The following CNTN5 variants were observed in gnomAD, a reference collection of about 807,000 sequenced individuals.
The protein encoded by CNTN5 is contactin-5.
A neutral mutation model predicts 129.1 loss-of-function variants in CNTN5; 77 were observed. That is an observed-to-expected ratio of 0.60 (90% CI 0.50 to 0.72). CNTN5 has a LOEUF of 0.72. CNTN5 is among the 30% of genes least tolerant of loss of function. The pLI, the probability that CNTN5 is intolerant of heterozygous loss-of-function variation, is 0.00. For synonymous variants in CNTN5, 509 were observed against 465.6 expected, an observed-to-expected ratio of 1.09 and a Z score of -1.20; for missense variants, 1,478 against 1,328.8, an observed-to-expected ratio of 1.11 and a Z score of -1.75.
intron 1 of CNTN5, among the ~76,000 whole-genome samples, chr11:99,069,896 C>A (rs530935952): frequency 6.6e-6 from 1 of 152,268 alleles, no homozygotes; most frequent in East Asian, 1.9e-4. Context: ...TAAAGCCCAG[C>A]CCTCAGGCTT....
chr11:99,059,640 C>T (rs993273749), intron 1 of CNTN5, among the ~76,000 whole-genome samples: 1 of 151,982 alleles, frequency 6.6e-6, no homozygotes, highest in Non-Finnish European at 1.5e-5. Context: ...ATTAACATTC[C>T]TGTAATATCC....
intron 3 of CNTN5, among the ~76,000 whole-genome samples, chr11:99,810,566 A>G (rs1448635780): frequency 1.3e-5 from 2 of 152,144 alleles, no homozygotes; most frequent in Admixed American, 6.6e-5. Flanking sequence ...CATAGAGTAC[A>G]TCTGATTTGG....
intron 6 of CNTN5, among the ~76,000 whole-genome samples, chr11:99,866,268 C>T (rs2135790319): frequency 6.6e-6 from 1 of 152,304 alleles, no homozygotes. Flanking sequence ...AATGACACAA[C>T]TCAGTAGTTA....
chr11:99,082,287 G>T (rs1185530809), intron 1 of CNTN5, among the ~76,000 whole-genome samples: 1 of 151,140 alleles, frequency 6.6e-6, no homozygotes, highest in African/African-American at 2.4e-5. Flanking sequence ...CTGGGTTCAA[G>T]CTATTCTCCT....
chr11:99,976,413 A>G (rs540026327), intron 8 of CNTN5, among the ~76,000 whole-genome samples: 132 of 152,290 alleles, frequency 8.7e-4, no homozygotes, highest in Non-Finnish European at 1.2e-3. Context: ...CTCCAACCCT[A>G]CATTTCCCCT....
At chr11:99,626,691 C>T (rs1314322424) in intron 3 of CNTN5, among the ~76,000 whole-genome samples, 1 of 152,008 alleles carries the variant, frequency 6.6e-6, no homozygotes, top group Non-Finnish European at 1.5e-5. Context: ...AAACATGAAT[C>T]GCTGACATTT....
intron 23 of CNTN5, among the ~76,000 whole-genome samples, chr11:100,345,788 C>A (rs1042463839): frequency 6.6e-6 from 1 of 152,020 alleles, no homozygotes; most frequent in Non-Finnish European, 1.5e-5. Flanking sequence ...AGATGCTGGG[C>A]TTCTTGGAAT....
chr11:99,162,563 ATATT>A (rs1226653305), intron 1 of CNTN5, among the ~76,000 whole-genome samples: 1 of 152,214 alleles, frequency 6.6e-6, no homozygotes, highest in African/African-American at 2.4e-5. Flanking sequence ...CAGAAAGAAA[ATATT>A]TATGAAATTT....
At chr11:99,659,861 G>A (rs1403925063) in intron 3 of CNTN5, among the ~76,000 whole-genome samples, 1 of 152,070 alleles carries the variant, frequency 6.6e-6, no homozygotes, top group East Asian at 1.9e-4. Flanking sequence ...TAGCCAAGTT[G>A]GCGTGTAAAA....
rs574597983 is a variant in CNTN5 at position 100,183,574 on chromosome 11, A to T, written c.1581-7552A>T. ...AAACTAGAAAAATGCAAACTAACTT[A>T]TCGTGATGGGAAACAGATCAGTAGT... On this transcript the variant is annotated intron_variant, in intron 13 of 24. Transcript: ENST00000524871. Among the ~76,000 whole-genome samples the T allele has an allele frequency of 2.0e-5, 3 of 152,294 alleles. No individual in the cohort carries two copies. The East Asian group carries it at 5.8e-4, about 30-fold the overall frequency.
chr11:99,468,942 G>T (rs2135266777), intron 2 of CNTN5, among the ~76,000 whole-genome samples: 1 of 152,082 alleles, frequency 6.6e-6, no homozygotes. Context: ...AGGATTAACG[G>T]AAAAAGAAAT....
intron 6 of CNTN5, among the ~76,000 whole-genome samples, chr11:99,889,074 A>G (rs1016683534): frequency 3.9e-5 from 6 of 152,198 alleles, no homozygotes; most frequent in African/African-American, 1.4e-4. Flanking sequence ...GTAGAATTTT[A>G]CAAGTATAGA....
At chr11:99,103,851 T>C (rs1866863950) in intron 1 of CNTN5, among the ~76,000 whole-genome samples, 1 of 151,656 alleles carries the variant, frequency 6.6e-6, no homozygotes, top group African/African-American at 2.4e-5. Context: ...GTAAAATGTA[T>C]ACCTAAGCCA....
intron 13 of CNTN5, among the ~76,000 whole-genome samples, chr11:100,146,056 C>A (rs1946842615): frequency 6.6e-6 from 1 of 152,084 alleles, no homozygotes; most frequent in Non-Finnish European, 1.5e-5. Flanking sequence ...GAGACATTCC[C>A]TTTAGCTTCT....
intron 1 of CNTN5, among the ~76,000 whole-genome samples, chr11:99,322,060 T>G (rs1411671460): frequency 2.0e-5 from 3 of 152,178 alleles, no homozygotes; most frequent in Non-Finnish European, 4.4e-5. Context: ...CAGATCTCCT[T>G]GTCCCCAGTT....
At chr11:99,833,724 C>A (rs1449222580) in intron 4 of CNTN5, among the ~76,000 whole-genome samples, 1 of 152,126 alleles carries the variant, frequency 6.6e-6, no homozygotes, top group Non-Finnish European at 1.5e-5. Context: ...GTAGATGGGG[C>A]TTCCAGAGTC....
intron 9 of CNTN5, among the ~76,000 whole-genome samples, chr11:100,016,300 C>A (rs932529239): frequency 1.3e-5 from 2 of 152,056 alleles, no homozygotes; most frequent in Non-Finnish European, 2.9e-5. Context: ...CCATATCATA[C>A]AAGTAACATA....
At chr11:99,744,759 G>A (rs1242757150) in intron 3 of CNTN5, among the ~76,000 whole-genome samples, 2 of 149,106 alleles carry the variant, frequency 1.3e-5, no homozygotes. Flanking sequence ...GCTTATAACA[G>A]CTATAATTGT....
chr11:100,317,968 G>A (rs1951601230), intron 21 of CNTN5, among the ~76,000 whole-genome samples: 3 of 151,850 alleles, frequency 2.0e-5, no homozygotes, highest in African/African-American at 2.4e-5. Context: ...TCGGCTGGGC[G>A]CGATGGCTGA....
Sources: gnomAD v4.1 joint callset for allele counts (sites outside exome capture counted in the v4.1 genomes callset) on GRCh38, gnomAD v4.1.1 for gene constraint, MANE v1.5 for transcripts, NCBI Gene and HGNC (gene_info 2026-07-23, HGNC 2026-07-21) for gene names.